AUTS2: variants seen among roughly 807,000 people sequenced by gnomAD.
The protein encoded by AUTS2 is autism susceptibility gene 2 protein.
Under a neutral mutation model 112.4 loss-of-function variants are expected in AUTS2, and 17 were observed. The ratio of observed to expected loss-of-function variants is 0.15; its 90% CI spans 0.10 to 0.23. The LOEUF (loss-of-function observed/expected upper bound fraction) is 0.23, where lower values mean the gene tolerates loss of function less well. AUTS2 is among the 10% of genes least tolerant of loss of function. The pLI is 1.00. For synonymous variants in AUTS2, 751 were observed against 702.7 expected (o/e 1.07, Z -1.09); for missense variants, 1,510 against 1,701.6 (o/e 0.89, Z 1.98).
chr7:70,578,049 C>G (rs779225783), intron 5 of AUTS2, among the ~76,000 whole-genome samples: 6 of 152,140 alleles, frequency 3.9e-5, no homozygotes, highest in Non-Finnish European at 7.4e-5. Context: ...CTAGGATGGT[C>G]TCAGTCTCCT....
chr7:69,702,719 T>C (rs1000256952), intron 1 of AUTS2, among the ~76,000 whole-genome samples: 1 of 152,180 alleles, frequency 6.6e-6, no homozygotes, highest in Non-Finnish European at 1.5e-5. Context: ...ACCCTAGACT[T>C]ACTGAATCAG....
intron 5 of AUTS2, among the ~76,000 whole-genome samples, chr7:70,462,263 A>C (rs1796997114): frequency 6.6e-6 from 1 of 152,148 alleles, no homozygotes; most frequent in South Asian, 2.1e-4. Flanking sequence ...AAAAAACAAA[A>C]ACAAAATAAA....
chr7:69,722,541 G>A (rs778562116), intron 1 of AUTS2, among the ~76,000 whole-genome samples: 1 of 152,000 alleles, frequency 6.6e-6, no homozygotes, highest in African/African-American at 2.4e-5. Flanking sequence ...TTGCTATGTT[G>A]CCCAGGCTGG....
chr7:70,787,527 G>T (rs1791587888), intron 18 of AUTS2, 96 bp downstream of exon 18: 1 of 897,502 alleles, frequency 1.1e-6, no homozygotes, highest in Non-Finnish European at 1.7e-6. Flanking sequence ...TCCCAGCCTC[G>T]TGCTTTAGCC....
intron 1 of AUTS2, among the ~76,000 whole-genome samples, chr7:69,880,205 T>A (rs1322526450): frequency 6.6e-6 from 1 of 152,046 alleles, no homozygotes; most frequent in Non-Finnish European, 1.5e-5. Context: ...TTTAAACAAC[T>A]AGATCTCGTG....
intron 5 of AUTS2, among the ~76,000 whole-genome samples, chr7:70,496,213 C>T (rs1363605425): frequency 6.9e-5 from 8 of 115,840 alleles, no homozygotes; most frequent in Non-Finnish European, 1.2e-4. Flanking sequence ...ACATCAGCAT[C>T]GATCACACAC....
chr7:70,481,317 T>C (rs540381682), intron 5 of AUTS2, among the ~76,000 whole-genome samples: 7 of 152,362 alleles, frequency 4.6e-5, no homozygotes, highest in South Asian at 4.1e-4. Context: ...GGTGCTTTCA[T>C]TGAACGTCCA....
At chr7:70,689,669 G>A (rs1179583591) in intron 5 of AUTS2, among the ~76,000 whole-genome samples, 4 of 151,512 alleles carry the variant, frequency 2.6e-5, no homozygotes, top group African/African-American at 4.9e-5. Flanking sequence ...CCAGCTACTC[G>A]GGAGGCTGAG....
intron 5 of AUTS2, among the ~76,000 whole-genome samples, chr7:70,508,958 C>T (rs1290285109): frequency 6.6e-6 from 1 of 152,190 alleles, no homozygotes; most frequent in African/African-American, 2.4e-5. Flanking sequence ...AATTCCATAT[C>T]TATGCTAAGC....
At chr7:70,038,974 G>T (rs1801129553) in intron 2 of AUTS2, among the ~76,000 whole-genome samples, 1 of 152,004 alleles carries the variant, frequency 6.6e-6, no homozygotes, top group Non-Finnish European at 1.5e-5. Context: ...GGTCAGGCTG[G>T]TCTCGAGCTT....
chr7:69,846,472 C>T (rs1283441185), intron 1 of AUTS2, among the ~76,000 whole-genome samples: 1 of 152,142 alleles, frequency 6.6e-6, no homozygotes, highest in South Asian at 2.1e-4. Flanking sequence ...ATCCATAATA[C>T]GATATTCATA....
At chr7:70,599,057 A>AT (rs1412396491) in intron 5 of AUTS2, among the ~76,000 whole-genome samples, 1 of 152,182 alleles carries the variant, frequency 6.6e-6, no homozygotes, top group Non-Finnish European at 1.5e-5. Context: ...TTTTCCTTTC[A>AT]TCTTTCTTCC....
At chr7:70,531,331 G>A (rs868751071) in intron 5 of AUTS2, among the ~76,000 whole-genome samples, 4 of 152,118 alleles carry the variant, frequency 2.6e-5, no homozygotes, top group Admixed American at 6.5e-5. Flanking sequence ...AACAAAAGTC[G>A]CCAGGCCTGC....
chr7:69,655,927 A>G (rs536619228), intron 1 of AUTS2, among the ~76,000 whole-genome samples: 20 of 152,348 alleles, frequency 1.3e-4, no homozygotes, highest in Admixed American at 2.6e-4. Context: ...TGTATGGGGC[A>G]GAGGAGAAGA....
intron 4 of AUTS2, among the ~76,000 whole-genome samples, chr7:70,239,045 G>A (rs147097409): frequency 5.3e-5 from 8 of 152,290 alleles, no homozygotes; most frequent in Admixed American, 1.3e-4. Flanking sequence ...AGATAGTTTC[G>A]TTGAGCAGAT....
rs540570573 is a variant in AUTS2, at chr7:70,121,452, T to A, written c.624+3219T>A. Among the ~76,000 whole-genome samples the A allele has an allele frequency of 2.6e-5, 4 of 152,218 alleles. No homozygotes were observed. The East Asian group carries it at 5.8e-4, about 22-fold the overall frequency. On this transcript the variant is annotated intron_variant, in intron 3 of 18. Coordinates refer to ENST00000342771, the MANE Select transcript of AUTS2 (RefSeq NM_015570.4). ...ATTTGCAAATCATATAAGTGGTGTT[T>A]ACTCTACAGAATGTGTAAAGAACTA...
At chr7:70,702,987 A>T (rs904350766) in intron 6 of AUTS2, among the ~76,000 whole-genome samples, 3 of 152,178 alleles carry the variant, frequency 2.0e-5, no homozygotes, top group African/African-American at 7.2e-5. Context: ...TAGAAAGAAG[A>T]CCTAGCTTAA....
intron 5 of AUTS2, among the ~76,000 whole-genome samples, chr7:70,545,082 G>C (rs1473333392): frequency 6.6e-6 from 1 of 152,158 alleles, no homozygotes; most frequent in Non-Finnish European, 1.5e-5. Flanking sequence ...CAGTGATTCG[G>C]GAAACAGTAT....
intron 5 of AUTS2, among the ~76,000 whole-genome samples, chr7:70,479,988 C>T (rs1011681355): frequency 2.6e-5 from 4 of 152,178 alleles, no homozygotes; most frequent in African/African-American, 9.7e-5. Flanking sequence ...CACAGACTGT[C>T]CCCCCAAAAT....
Sources: allele counts gnomAD v4.1 joint callset (sites outside exome capture counted in the v4.1 genomes callset), GRCh38; gene constraint gnomAD v4.1.1; transcripts MANE v1.5; gene names NCBI Gene and HGNC (gene_info 2026-07-23, HGNC 2026-07-21).